RCL1: variants seen among roughly 807,000 people sequenced by gnomAD.
RCL1 encodes the protein RNA 3'-terminal phosphate cyclase-like protein.
In RCL1, 24 loss-of-function variants were observed where a neutral mutation model predicts 42.4. The observed-to-expected ratio is 0.57, with a 90% CI of 0.41 to 0.80. The LOEUF is 0.80. Ranked by LOEUF, RCL1 falls within the 30% of genes least tolerant of loss-of-function variation. The probability of loss-of-function intolerance (pLI) is 0.00; values close to 1 mark genes in which losing one functional copy is unlikely to be tolerated. For synonymous variants in RCL1, 228 were observed against 177.3 expected, an observed-to-expected ratio of 1.29 and a Z score of -2.27; for missense variants, 578 against 467.9, an observed-to-expected ratio of 1.24 and a Z score of -2.17.
chr9:4,794,655 C>G (rs75196302), intron 1 of RCL1, among the ~76,000 whole-genome samples: 3 of 123,330 alleles, frequency 2.4e-5, no homozygotes, highest in Non-Finnish European at 3.7e-5. Context: ...TTTTTTTTTT[C>G]CAGAGAAATG....
intron 1 of RCL1, among the ~76,000 whole-genome samples, chr9:4,821,335 A>T (rs979017800): frequency 6.6e-6 from 1 of 152,198 alleles, no homozygotes; most frequent in Admixed American, 6.5e-5. Flanking sequence ...CTTTCTGGTC[A>T]TATGATCAGG....
At chr9:4,814,948 G>T (rs13300663) in intron 1 of RCL1, among the ~76,000 whole-genome samples, 1 of 151,468 alleles carries the variant, frequency 6.6e-6, no homozygotes, top group South Asian at 2.1e-4. Context: ...ATTCTCTCAT[G>T]GTCTATAAGG....
At chr9:4,801,846 C>G (rs773423142) in intron 1 of RCL1, among the ~76,000 whole-genome samples, 4 of 149,920 alleles carry the variant, frequency 2.7e-5, no homozygotes, top group Non-Finnish European at 5.9e-5. Flanking sequence ...TTGTGTGGAT[C>G]TCTTTCTGGG....
rs147006482 is a variant in RCL1 at position 4,825,331 on chromosome 9, C to T, written c.209-1527C>T. 2.8e-3 allele frequency among the ~76,000 whole-genome samples: 430 copies of T among 152,196 alleles called. 2 individuals carry two copies. The highest frequency in any genetic ancestry group is 0.01 in the African/African-American group (418 of 41,480). On this transcript the variant is annotated intron_variant, in intron 2 of 8. Coordinates refer to ENST00000381750, the MANE Select transcript of RCL1 (RefSeq NM_005772.5). ...ATGATCTGGCCAGTTTCTCATTTGG[C>T]TAATTTGTATAAATAAACATACGGA...
At chr9:4,849,580 C>A (rs1171615576) in intron 8 of RCL1, 30 bp downstream of exon 8, 1 of 1,528,360 alleles carries the variant, frequency 6.5e-7, no homozygotes, top group Non-Finnish European at 9.1e-7. Flanking sequence ...CCTCGTTATT[C>A]TGTCCAGTGT....
chr9:4,812,259 C>T (rs1430866166), intron 1 of RCL1, among the ~76,000 whole-genome samples: 1 of 152,036 alleles, frequency 6.6e-6, no homozygotes, highest in Non-Finnish European at 1.5e-5. Flanking sequence ...AATGTTTGCC[C>T]AGAGTAAACG....
intron 5 of RCL1, chr9:4,836,628 G>C (rs2129645535): frequency 6.6e-6 from 1 of 152,192 alleles, no homozygotes; most frequent in East Asian, 1.9e-4. Context: ...GGGCAGACCA[G>C]AAAGCCTGCT....
intron 1 of RCL1, among the ~76,000 whole-genome samples, chr9:4,797,892 C>A (rs796192538): frequency 1.7e-4 from 26 of 152,246 alleles, no homozygotes; most frequent in African/African-American, 6.0e-4. Context: ...AAGGATGGTC[C>A]CGGGCTGGTG....
At chr9:4,831,130 C>G (rs1214748518) in intron 3 of RCL1, among the ~76,000 whole-genome samples, 1 of 152,162 alleles carries the variant, frequency 6.6e-6, no homozygotes, top group African/African-American at 2.4e-5. Flanking sequence ...ATCTGCTTTT[C>G]CTGCCCTTGT....
intron 1 of RCL1, among the ~76,000 whole-genome samples, chr9:4,794,896 T>G (rs1327996287): frequency 6.6e-6 from 1 of 152,192 alleles, no homozygotes; most frequent in Non-Finnish European, 1.5e-5. Flanking sequence ...TGTCAGACGC[T>G]GATACCTGAG....
chr9:4,826,069 T>C (rs1303840317), intron 2 of RCL1, among the ~76,000 whole-genome samples: 1 of 138,916 alleles, frequency 7.2e-6, no homozygotes, highest in Admixed American at 7.1e-5. Flanking sequence ...TTCTCTAAAA[T>C]AAAGAAAAAA....
chr9:4,822,182 A>G (rs1307995108), intron 1 of RCL1, among the ~76,000 whole-genome samples: 1 of 152,216 alleles, frequency 6.6e-6, no homozygotes. Flanking sequence ...TATGTAACAG[A>G]CTAGGTAGAT....
intron 3 of RCL1, among the ~76,000 whole-genome samples, chr9:4,830,190 G>A (rs1816901642): frequency 6.6e-6 from 1 of 152,188 alleles, no homozygotes. Flanking sequence ...TGAGAGAACA[G>A]TGTTATTGGA....
chr9:4,839,954 A>C, intron 5 of RCL1: 2 of 973,458 alleles, frequency 2.1e-6, no homozygotes, highest in Non-Finnish European at 2.4e-6. Context: ...AAAGCAGCTC[A>C]GGTTGAGGAA....
At chr9:4,829,519 T>C (rs1208290900) in intron 3 of RCL1, among the ~76,000 whole-genome samples, 2 of 152,198 alleles carry the variant, frequency 1.3e-5, no homozygotes, top group East Asian at 1.9e-4. Context: ...CCTAACCATA[T>C]AAGGATTTCC....
rs1354675260 is a variant in RCL1 at position 4,860,616 on chromosome 9, C to T, written c.*341C>T. The T allele has an allele frequency of 4.6e-6, 1 of 216,254 alleles. No homozygotes were observed. Among genetic ancestry groups the T allele is most frequent in the Non-Finnish European group, 9.0e-6 (1 of 110,710 alleles). 13.4% of individuals were successfully genotyped at this position (216,254 alleles called of 1,614,324 possible). The stretch of plus-strand genomic sequence containing the variant: ...TCCTCAGCCTACTATCATAGGCTTC[C>T]TCAGCCCTCTGTCATATGGCTGTTT... On this transcript the variant is annotated 3_prime_UTR_variant, in exon 9 of 9. Coordinates refer to ENST00000381750, the MANE Select transcript of RCL1 (RefSeq NM_005772.5).
intron 1 of RCL1, among the ~76,000 whole-genome samples, chr9:4,818,361 T>C (rs1446596359): frequency 1.3e-5 from 2 of 152,206 alleles, no homozygotes; most frequent in Admixed American, 1.3e-4. Flanking sequence ...AGGAAAGATA[T>C]TTGGTTCTTT....
At chr9:4,807,099 C>A (rs1479983282) in intron 1 of RCL1, among the ~76,000 whole-genome samples, 1 of 152,082 alleles carries the variant, frequency 6.6e-6, no homozygotes, top group Non-Finnish European at 1.5e-5. Context: ...CTGTTTTATT[C>A]CCGATGTTGC....
chr9:4,830,149 G>A (rs1193504105), intron 3 of RCL1, among the ~76,000 whole-genome samples: 1 of 152,234 alleles, frequency 6.6e-6, no homozygotes, highest in Non-Finnish European at 1.5e-5. Context: ...AGTTGAGTCA[G>A]ACTGAGCAGT....
Sources: allele counts gnomAD v4.1 joint callset (sites outside exome capture counted in the v4.1 genomes callset), GRCh38; gene constraint gnomAD v4.1.1; transcripts MANE v1.5; gene names NCBI Gene and HGNC (gene_info 2026-07-23, HGNC 2026-07-21).